TAPBPL: variants seen among roughly 807,000 people sequenced by gnomAD.
The protein encoded by TAPBPL is TAP binding protein like, also known as tapasin-related protein.
In TAPBPL, 32 loss-of-function variants were observed where a neutral mutation model predicts 44.8. The ratio of observed to expected loss-of-function variants is 0.71; its 90% CI spans 0.54 to 0.96. TAPBPL has a LOEUF of 0.96. Among genes scored for constraint, TAPBPL ranks in the 40% least tolerant of loss-of-function variants. TAPBPL has a pLI of 0.00. For missense variants in TAPBPL, 520 were observed against 586.6 expected (o/e 0.89, Z 1.17); for synonymous variants, 230 against 240.7 (o/e 0.96, Z 0.41).
Position 6,457,493 on chromosome 12 carries a change from C to T in TAPBPL, c.653C>T (p.Pro218Leu), listed in dbSNP as rs149945987. 3.3e-4 allele frequency: 536 copies of T among 1,614,104 alleles called. No homozygotes were observed. The highest frequency in any genetic ancestry group is 1.1e-3 in the African/African-American group (84 of 74,928). Residue 218 changes from proline to leucine, a missense_variant, in exon 4 of 7, where the codon CCG (proline) becomes CTG (leucine). Transcript: ENST00000266556. ...ASLDCGFSMAPGLDLISVEWR... is the reference protein window; with the variant it reads ...ASLDCGFSMALGLDLISVEWR... ...TTGGACTGTGGCTTCTCCATGGCAC[C>T]GGGCTTGGACCTCATCAGTGTGGAG...
chr12:6,457,863 C>T, intron 4 of TAPBPL, 119 bp downstream of exon 4: 2 of 1,113,726 alleles, frequency 1.8e-6, no homozygotes, highest in Middle Eastern at 2.1e-4. Flanking sequence ...AATCCCACAA[C>T]TTAAATGCCA....
chr12:6,463,462 A>G (rs1459082609), downstream of TAPBPL: 1 of 1,039,332 alleles, frequency 9.6e-7, no homozygotes, highest in Non-Finnish European at 1.2e-6. This position sits in a 1 kb window ranked among gnomAD's most constrained non-coding sequence, Gnocchi z 4.0. Context: ...TGGGTGTCCA[A>G]AGATCTCACA....
At chr12:6,452,762 C>T in intron 1 of TAPBPL, 1 of 593,228 alleles carries the variant, frequency 1.7e-6, no homozygotes, top group African/African-American at 1.9e-5. Flanking sequence ...TGCTTGTTTT[C>T]TGAGAATTCC....
At chr12:6,470,575 G>T (rs1172395089), downstream of TAPBPL, 1 of 1,613,534 alleles carries the variant, frequency 6.2e-7, no homozygotes. Flanking sequence ...TCCGGAGGCT[G>T]CGGCGAGACA....
chr12:6,455,549 C>G (rs1049086186), intron 3 of TAPBPL, among the ~76,000 whole-genome samples: 1 of 152,098 alleles, frequency 6.6e-6, no homozygotes, highest in Admixed American at 6.5e-5. Flanking sequence ...TCTGCTAGGG[C>G]AGACTGTCCC....
At chr12:6,463,128 C>A, downstream of TAPBPL, 1 of 1,489,800 alleles carries the variant, frequency 6.7e-7, no homozygotes, top group South Asian at 1.3e-5. The surrounding 1 kb of genome is among the most constrained non-coding windows in gnomAD (Gnocchi z 4.0). Flanking sequence ...AGATCCCATC[C>A]TCAGGTTCCA....
downstream of TAPBPL, among the ~76,000 whole-genome samples, chr12:6,467,950 G>A (rs1033675787): frequency 5.9e-5 from 9 of 152,352 alleles, no homozygotes; most frequent in East Asian, 3.9e-4. Flanking sequence ...GGGAACCTCC[G>A]TCTAGACTTC....
At chr12:6,470,754 A>C, downstream of TAPBPL, 1 of 606,006 alleles carries the variant, frequency 1.7e-6, no homozygotes, top group Non-Finnish European at 3.0e-6. Flanking sequence ...CCGCGGCCCA[A>C]TCCATGCCCA....
chr12:6,464,745 G>C (rs574629519), downstream of TAPBPL: 1 of 1,521,842 alleles, frequency 6.6e-7, no homozygotes, highest in Non-Finnish European at 8.8e-7. Flanking sequence ...CCCTTCCCCC[G>C]TCCCGAACCA....
downstream of TAPBPL, chr12:6,464,915 A>T (rs1237437677): frequency 1.5e-5 from 25 of 1,613,960 alleles, no homozygotes; most frequent in Non-Finnish European, 2.0e-5. Flanking sequence ...CGATGATGGC[A>T]CAGATGGCTC....
chr12:6,453,183 T>C lies in TAPBPL; in HGVS notation c.181T>C (p.Ser61Pro). The C allele has an allele frequency of 6.2e-7, 1 of 1,612,196 alleles. No homozygotes were observed. The highest frequency in any genetic ancestry group is 1.3e-5 in the African/African-American group (1 of 75,000). Reference sequence around the variant, plus strand: ...CAGCAGTGAGGACAGGGCAAGGGCCTCCCTTGTGCTGAAGCAGGTGCCAGT... The same window carrying C: ...CAGCAGTGAGGACAGGGCAAGGGCCCCCCTTGTGCTGAAGCAGGTGCCAGT... ...LASSEDRARA[S>P]LVLKQVPVLD... The change falls in exon 2 of 7, where the codon TCC becomes CCC. Residue 61 changes from serine (S) to proline (P), a missense_variant. By Grantham distance (74) the Ser-to-Pro change is moderately conservative (BLOSUM62 -1). Transcript: ENST00000266556. The surrounding 1 kb of genome is among the most constrained non-coding windows in gnomAD (Gnocchi z 4.8).
chr12:6,463,585 C>T (rs879553472), downstream of TAPBPL: 7 of 1,062,912 alleles, frequency 6.6e-6, no homozygotes, highest in Non-Finnish European at 8.0e-6. This position sits in a 1 kb window ranked among gnomAD's most constrained non-coding sequence, Gnocchi z 4.0. Context: ...AAGCACTTGA[C>T]TCACTGTTTC....
At chr12:6,459,915 C>T (rs976269495) in intron 5 of TAPBPL, among the ~76,000 whole-genome samples, 12 of 151,882 alleles carry the variant, frequency 7.9e-5, no homozygotes, top group East Asian at 3.9e-4. Context: ...GGATTACAGG[C>T]GCGCACCACC....
rs761267327 is a variant in TAPBPL at position 6,458,628 on chromosome 12, C to T, written c.905-17C>T. On this transcript the variant is annotated splice_polypyrimidine_tract_variant and intron_variant, in intron 4 of 6. Coordinates refer to ENST00000266556, the MANE Select transcript of TAPBPL (RefSeq NM_018009.5). ...AGTTAGATCCATGTGTAATCTTATT[C>T]CTCATTCTTTCTCCAGCTTCCCCTA... is the stretch of plus-strand genomic sequence containing the variant. The T allele has an allele frequency of 3.7e-6, 6 of 1,611,230 alleles. No individual in the cohort carries two copies. The Admixed American group carries it at 5.0e-5, about 13-fold the overall frequency.
At chr12:6,463,376 C>T, downstream of TAPBPL, 1 of 1,089,502 alleles carries the variant, frequency 9.2e-7, no homozygotes, top group Non-Finnish European at 1.1e-6. This position sits in a 1 kb window ranked among gnomAD's most constrained non-coding sequence, Gnocchi z 4.0. Context: ...TGAGGATCGG[C>T]CGGGCCCCAG....
At chr12:6,464,757 G>A (rs916721295), downstream of TAPBPL, 7 of 1,531,584 alleles carry the variant, frequency 4.6e-6, no homozygotes, top group African/African-American at 6.9e-5. Context: ...CCCGAACCAG[G>A]TGACGATCCC....
chr12:6,460,127 A>G (rs1949811066), intron 5 of TAPBPL, among the ~76,000 whole-genome samples: 1 of 152,146 alleles, frequency 6.6e-6, no homozygotes. Context: ...TGAAGTGGAA[A>G]CATCCAGGAG....
rs1243372032 is a variant in TAPBPL, at chr12:6,452,242, A to G, written c.-7A>G. On this transcript the variant is annotated 5_prime_UTR_variant, in exon 1 of 7. Transcript: ENST00000266556. ...GTGGGCAAGGAGGGAACTCGAGAGCAGCCTCCATGGGCACACAGGAGGGCT... is the reference window on the plus strand; with the variant it reads ...GTGGGCAAGGAGGGAACTCGAGAGCGGCCTCCATGGGCACACAGGAGGGCT... The G allele has an allele frequency of 1.3e-6, 2 of 1,569,910 alleles. No individual in the cohort carries two copies. Among genetic ancestry groups the G allele is most frequent in the South Asian group, 1.2e-5 (1 of 85,320 alleles).
At chr12:6,457,054 G>GT (rs1318763338) in intron 3 of TAPBPL, among the ~76,000 whole-genome samples, 1 of 152,230 alleles carries the variant, frequency 6.6e-6, no homozygotes, top group Non-Finnish European at 1.5e-5. Flanking sequence ...CACGGAGCCA[G>GT]TAAGTGGAAC....
Sources: allele counts gnomAD v4.1 joint callset (sites outside exome capture counted in the v4.1 genomes callset), GRCh38; gene constraint gnomAD v4.1.1; non-coding constraint Gnocchi (gnomAD v3.1); transcripts MANE v1.5; gene names NCBI Gene and HGNC (gene_info 2026-07-23, HGNC 2026-07-21).